DDHD2: variants seen among roughly 807,000 people sequenced by gnomAD.
The protein encoded by DDHD2 is DDHD domain containing 2.
A neutral mutation model predicts 91.2 loss-of-function variants in DDHD2; 62 were observed. The ratio of observed to expected loss-of-function variants is 0.68; its 90% CI spans 0.55 to 0.84. The LOEUF is 0.84. DDHD2 is among the 40% of genes least tolerant of loss of function. The pLI, the probability that DDHD2 is intolerant of heterozygous loss-of-function variation, is 0.00. For missense variants in DDHD2, 740 were observed against 846.9 expected, an observed-to-expected ratio of 0.87 and a Z score of 1.57; for synonymous variants, 271 against 293.9, an observed-to-expected ratio of 0.92 and a Z score of 0.80.
intron 1 of DDHD2, chr8:38,268,884 A>G (rs1808196555): frequency 9.7e-6 from 15 of 1,552,600 alleles, no homozygotes; most frequent in Non-Finnish European, 1.3e-5. Flanking sequence ...CCACGCACAA[A>G]CATCGGCTTG....
chr8:38,253,115 G>C lies in DDHD2; in HGVS notation c.1879G>C (p.Glu627Gln). The C allele has an allele frequency of 6.2e-7, 1 of 1,613,710 alleles. No individual in the cohort carries two copies. Among genetic ancestry groups the C allele is most frequent in the Non-Finnish European group, 8.5e-7 (1 of 1,179,812 alleles). Residue 627 changes from glutamate (E) to glutamine (Q), a missense_variant, in exon 15 of 18, where the codon GAG becomes CAG. Transcript: ENST00000397166. ...TGAAGCAGAACCTGAATCAACTTCA[G>C]AGAAGCCTAGTGGTCAGTGACACTG... is the stretch of plus-strand genomic sequence containing the variant. ...ETEAEPESTS[E>Q]KPSDVNTEET...
chr8:38,253,185 C>T (rs548057865), intron 15 of DDHD2, 58 bp downstream of exon 15: 11 of 1,451,502 alleles, frequency 7.6e-6, no homozygotes, highest in Middle Eastern at 1.8e-4. Context: ...CATGGTGTGG[C>T]GTTTTTCATA....
At chr8:38,239,940 G>T (rs1442712475) in intron 5 of DDHD2, among the ~76,000 whole-genome samples, 1 of 151,472 alleles carries the variant, frequency 6.6e-6, no homozygotes, top group Non-Finnish European at 1.5e-5. Flanking sequence ...GGTCAGGCTG[G>T]TCTCGAACTC....
intron 17 of DDHD2, 115 bp downstream of exon 17, chr8:38,260,262 C>T: frequency 3.7e-6 from 2 of 547,632 alleles, no homozygotes; most frequent in Non-Finnish European, 6.4e-6. Context: ...TCACCAAGAT[C>T]TAGGCTGCTA....
At chr8:38,240,733 T>C (rs978476467) in intron 6 of DDHD2, among the ~76,000 whole-genome samples, 2 of 152,220 alleles carry the variant, frequency 1.3e-5, no homozygotes, top group Non-Finnish European at 2.9e-5. Flanking sequence ...AAACCTTTGA[T>C]ATTGTAATTG....
chr8:38,247,596 A>G (rs1334129644), intron 9 of DDHD2, 117 bp from the exon 10 acceptor site: 4 of 599,804 alleles, frequency 6.7e-6, no homozygotes, highest in Non-Finnish European at 1.0e-5. Context: ...CATAAATGAC[A>G]ATTTGTTAAA....
chr8:38,243,986 A>G (rs1283070342), intron 7 of DDHD2, among the ~76,000 whole-genome samples: 1 of 151,028 alleles, frequency 6.6e-6, no homozygotes, highest in Non-Finnish European at 1.5e-5. Context: ...TATTTTTGGT[A>G]GAGACAGGGT....
At position 38,261,875 on chromosome 8, in the gene DDHD2, CCT is replaced by C. The variant is rs1400817640; in HGVS notation, c.*1305_*1306del. 1 of 152,116 alleles carries C rather than the reference CCT, an allele frequency of 6.6e-6. No homozygotes were observed. Among genetic ancestry groups the C allele is most frequent in the Non-Finnish European group, 1.5e-5 (1 of 68,016 alleles). The allele number at this position is 152,116 out of a possible 1,614,324, so 9.4% of individuals were successfully genotyped here. On this transcript the variant is annotated 3_prime_UTR_variant, in exon 18 of 18. Coordinates refer to ENST00000397166, the MANE Select transcript of DDHD2 (RefSeq NM_015214.3). ...TATACTTGCTCTCAGATTCCACAGG[CCT>C]CTGTTTATAGAGTGGCAAAGGCAGG... is the stretch of plus-strand genomic sequence containing the variant.
At chr8:38,253,352 C>T (rs991104593) in intron 15 of DDHD2, 59 of 734,070 alleles carry the variant, frequency 8.0e-5, no homozygotes, top group Admixed American at 1.8e-4. Flanking sequence ...AGATGTGTTG[C>T]GCAAAAGCAA....
rs369671137 is a variant in DDHD2 at position 38,253,006 on chromosome 8, G to A, written c.1770G>A (p.Leu590=). ...TRMSMDLKNN[L]LGSLRMAWKS... The stretch of plus-strand genomic sequence containing the variant: ...TGAGTATGGACCTTAAGAACAACTT[G>A]CTAGGTTCGCTGCGGATGGCCTGGA... The change falls in exon 15 of 18, where the codon TTG becomes TTA. Residue 590 remains leucine (L), a synonymous_variant. Transcript: ENST00000397166. The A allele has an allele frequency of 3.8e-5, 61 of 1,614,172 alleles. No homozygotes were observed. The highest frequency in any genetic ancestry group is 1.6e-4 in the Middle Eastern group (1 of 6,062).
At chr8:38,269,241 C>G in intron 1 of DDHD2, 1 of 1,415,860 alleles carries the variant, frequency 7.1e-7, no homozygotes, top group Non-Finnish European at 9.2e-7. Flanking sequence ...ACGTGGCCAC[C>G]TCCGCGGGGA....
chr8:38,241,185 T>G (rs1424171929), intron 6 of DDHD2, among the ~76,000 whole-genome samples: 2 of 152,246 alleles, frequency 1.3e-5, no homozygotes, highest in East Asian at 3.9e-4. Context: ...AGAATTGTAT[T>G]GTGGAAGGTT....
At position 38,249,771 on chromosome 8, in the gene DDHD2, T is replaced by A. The variant is rs1256190886; in HGVS notation, c.1312T>A (p.Leu438Ile). 1.2e-6 allele frequency: 2 copies of A among 1,612,118 alleles called. No homozygotes were observed. The highest frequency in any genetic ancestry group is 2.2e-5 in the South Asian group (2 of 90,986). Residue 438 changes from leucine to isoleucine, a missense_variant, in exon 11 of 18, where the codon TTA (leucine) becomes ATA (isoleucine). Physicochemically the swap from Leu to Ile is conservative, Grantham distance 5. Around this residue, in one of 2 missense-constraint regions of DDHD2, gnomAD observed 693 missense variants for 764.2 expected, o/e 0.91. Transcript: ENST00000397166. ...TCCTTTAGGACCAAGAAAGAAGATA[T>A]TAAACTATTTCAGCACCAGAAAAAA... ...GIPLGPRKKI[L>I]NYFSTRKNSM...
intron 16 of DDHD2, among the ~76,000 whole-genome samples, chr8:38,254,419 C>T (rs1376561798): frequency 1.3e-5 from 2 of 151,954 alleles, no homozygotes; most frequent in Non-Finnish European, 2.9e-5. Flanking sequence ...CTTGCTGTGT[C>T]ACCCAGGCTG....
intron 7 of DDHD2, 36 bp from the exon 8 acceptor site, chr8:38,245,706 T>G (rs1805582953): frequency 1.9e-6 from 3 of 1,575,838 alleles, no homozygotes; most frequent in Non-Finnish European, 2.6e-6. Context: ...TAAGTGTATT[T>G]AGGTTTCCTG....
chr8:38,264,512 GT>G, downstream of DDHD2: 1 of 1,559,280 alleles, frequency 6.4e-7, no homozygotes, highest in Non-Finnish European at 8.7e-7. Context: ...TCTTGAAATG[GT>G]TTATGGCATT....
intron 1 of DDHD2, chr8:38,232,197 C>T (rs1804318474): frequency 6.5e-6 from 1 of 153,058 alleles, no homozygotes; most frequent in Admixed American, 6.5e-5. Flanking sequence ...CGTCTGCCGT[C>T]CCGCCGGGCC....
At chr8:38,272,278 C>A (rs1389413847), downstream of DDHD2, 1 of 152,222 alleles carries the variant, frequency 6.6e-6, no homozygotes, top group Non-Finnish European at 1.5e-5. Flanking sequence ...GATTCCCCAA[C>A]TCAGCCAGTT....
intron 13 of DDHD2, 151 bp downstream of exon 13, chr8:38,252,438 C>T: frequency 1.1e-6 from 1 of 894,548 alleles, no homozygotes; most frequent in Non-Finnish European, 1.7e-6. Flanking sequence ...AGTGATGGAG[C>T]AGAACTGTAC....
Sources: gnomAD v4.1 joint callset for allele counts (sites outside exome capture counted in the v4.1 genomes callset) on GRCh38, gnomAD v4.1.1 for gene constraint, gnomAD v4.1.1 regional missense constraint, MANE v1.5 for transcripts, NCBI Gene and HGNC (gene_info 2026-07-23, HGNC 2026-07-21) for gene names.